Variants in NAV3 observed in about 807,000 individuals in gnomAD.
NAV3 encodes the protein pore membrane and/or filament interacting like protein 1.
Under a neutral mutation model 244.7 loss-of-function variants are expected in NAV3, and 87 were observed. The ratio of observed to expected loss-of-function variants is 0.36; its 90% confidence interval spans 0.30 to 0.42. The LOEUF is 0.42. Ranked by LOEUF, NAV3 falls within the 20% of genes least tolerant of loss-of-function variation. The probability of loss-of-function intolerance (pLI) is 1.00; values close to 1 mark genes in which losing one functional copy is unlikely to be tolerated. For synonymous variants in NAV3, 1,126 were observed against 1,042.2 expected (o/e 1.08, Z -1.55); for missense variants, 2,663 against 2,893.3 (o/e 0.92, Z 1.83).
chr12:77,993,886 C>G (rs1871872267), intron 5 of NAV3, among the ~76,000 whole-genome samples: 1 of 152,178 alleles, frequency 6.6e-6, no homozygotes. Context: ...AAGCGATTCT[C>G]CACTTAGGCA....
chr12:77,912,456 C>T (rs940531348), intron 1 of NAV3, among the ~76,000 whole-genome samples: 3 of 152,102 alleles, frequency 2.0e-5, no homozygotes, highest in Non-Finnish European at 4.4e-5. Context: ...AAAATGCTCA[C>T]AGATGAATTA....
intron 2 of NAV3, among the ~76,000 whole-genome samples, chr12:77,581,201 T>G (rs143552446): frequency 6.6e-6 from 1 of 152,360 alleles, no homozygotes; most frequent in African/African-American, 2.4e-5. Context: ...AAACCAATTT[T>G]AGGACTCCAT....
At chr12:78,029,642 G>C (rs927816511) in intron 9 of NAV3, among the ~76,000 whole-genome samples, 1 of 152,030 alleles carries the variant, frequency 6.6e-6, no homozygotes, top group Admixed American at 6.6e-5. Context: ...AAAATACAGT[G>C]TACAGTAACC....
chr12:77,751,960 G>A (rs1322667323), intron 2 of NAV3, among the ~76,000 whole-genome samples: 1 of 152,096 alleles, frequency 6.6e-6, no homozygotes, highest in Non-Finnish European at 1.5e-5. Context: ...ATTACCAGAT[G>A]GGTGAATATT....
intron 1 of NAV3, among the ~76,000 whole-genome samples, chr12:77,854,391 GATT>G (rs1413980517): frequency 6.6e-5 from 10 of 152,268 alleles, no homozygotes; most frequent in African/African-American, 2.2e-4. Context: ...GTACTTTTAT[GATT>G]ATTATCAAAC....
At chr12:78,089,523 CTTTATT>C (rs1953814355) in intron 12 of NAV3, among the ~76,000 whole-genome samples, 1 of 151,912 alleles carries the variant, frequency 6.6e-6, no homozygotes, top group African/African-American at 2.4e-5. Flanking sequence ...GGTTTCTTTT[CTTTATT>C]TTTAAGATGA....
At chr12:78,101,078 A>G (rs946669157) in intron 12 of NAV3, among the ~76,000 whole-genome samples, 1 of 152,200 alleles carries the variant, frequency 6.6e-6, no homozygotes, top group Non-Finnish European at 1.5e-5. Context: ...GAATGAGGGA[A>G]TAAATCACAG....
intron 5 of NAV3, among the ~76,000 whole-genome samples, chr12:77,986,266 G>A (rs949554349): frequency 1.3e-5 from 2 of 152,300 alleles, no homozygotes; most frequent in Non-Finnish European, 2.9e-5. Context: ...GGAGGCTGAG[G>A]CAGGAGAATC....
chr12:77,825,903 T>C (rs1346585754), upstream of NAV3, among the ~76,000 whole-genome samples: 1 of 152,174 alleles, frequency 6.6e-6, no homozygotes, highest in Non-Finnish European at 1.5e-5. Context: ...AGATGATATA[T>C]GAATGACAAG....
At chr12:78,210,347 G>A (rs1366680979) in intron 39 of NAV3, 51 bp from the exon 40 acceptor site, 3 of 1,610,904 alleles carry the variant, frequency 1.9e-6, no homozygotes, top group South Asian at 2.2e-5. Context: ...TTTATGGGCT[G>A]GCTTACTCAA....
chr12:78,206,407 A>G (rs2140100127), intron 39 of NAV3, among the ~76,000 whole-genome samples: 1 of 152,290 alleles, frequency 6.6e-6, no homozygotes, highest in South Asian at 2.1e-4. Flanking sequence ...GAATATGAGT[A>G]TGGATTATTT....
chr12:77,577,308 GATT>G (rs966086440), intron 2 of NAV3, among the ~76,000 whole-genome samples: 50 of 152,264 alleles, frequency 3.3e-4, no homozygotes, highest in Middle Eastern at 3.4e-3. Flanking sequence ...ACTCAGAAGT[GATT>G]CTAGAAACTT....
intron 9 of NAV3, among the ~76,000 whole-genome samples, chr12:78,026,748 A>T (rs770125): frequency 1.3e-5 from 2 of 151,910 alleles, no homozygotes. Context: ...TTCTACTTTT[A>T]TCTATTAAGT....
chr12:78,138,847 C>T (rs141657090), intron 19 of NAV3, among the ~76,000 whole-genome samples: 87 of 152,216 alleles, frequency 5.7e-4, no homozygotes, highest in African/African-American at 1.8e-3. Context: ...TTTGTGCTCA[C>T]GCATTGAATA....
intron 2 of NAV3, among the ~76,000 whole-genome samples, chr12:77,636,074 T>C (rs1872139265): frequency 6.6e-6 from 1 of 152,162 alleles, no homozygotes; most frequent in African/African-American, 2.4e-5. Flanking sequence ...CCAGCAAACA[T>C]ATTATAAAAA....
chr12:78,156,982 C>T (rs1047213530), intron 22 of NAV3, among the ~76,000 whole-genome samples: 1 of 152,012 alleles, frequency 6.6e-6, no homozygotes, highest in Non-Finnish European at 1.5e-5. Flanking sequence ...TTAAAACAGG[C>T]ATATCTAAAC....
At chr12:78,027,505 A>G (rs1038235443) in intron 9 of NAV3, among the ~76,000 whole-genome samples, 1 of 152,174 alleles carries the variant, frequency 6.6e-6, no homozygotes, top group African/African-American at 2.4e-5. Flanking sequence ...TTGAACATCC[A>G]TAATTTAAAA....
Position 77,999,196 on chromosome 12 carries a change from C to T in NAV3, c.880+720C>T, listed in dbSNP as rs1225478908. ...GGATGAGTATGTGTAGTTTACACCT[C>T]AATCATGAGGAAGTGAAGAACTTGT... On this transcript the variant is annotated intron_variant, in intron 7 of 39. Transcript: ENST00000397909. 2.0e-5 allele frequency among the ~76,000 whole-genome samples: 3 copies of T among 152,128 alleles called. No individual in the cohort carries two copies. The East Asian group carries it at 5.8e-4, about 29-fold the overall frequency.
chr12:78,187,620 A>T (rs1353118938), intron 31 of NAV3, among the ~76,000 whole-genome samples: 3 of 151,908 alleles, frequency 2.0e-5, no homozygotes, highest in Non-Finnish European at 4.4e-5. Context: ...GTTTGATGAA[A>T]CGAATCCTGT....
Sources: gnomAD v4.1 joint callset for allele counts (sites outside exome capture counted in the v4.1 genomes callset) on GRCh38, gnomAD v4.1.1 for gene constraint, MANE v1.5 for transcripts, NCBI Gene and HGNC (gene_info 2026-07-23, HGNC 2026-07-21) for gene names.